HCN4: variants seen among roughly 807,000 people sequenced by gnomAD.
HCN4 encodes the protein potassium/sodium hyperpolarization-activated cyclic nucleotide-gated channel 4.
Under a neutral mutation model 76.9 loss-of-function variants are expected in HCN4, and 29 were observed. The ratio of observed to expected loss-of-function variants is 0.38; its 90% confidence interval spans 0.28 to 0.51. The LOEUF is 0.51. Among genes scored for constraint, HCN4 ranks in the 20% least tolerant of loss-of-function variants. HCN4 has a pLI of 0.90. For synonymous variants in HCN4, 772 were observed against 762.5 expected (o/e 1.01, Z -0.21); for missense variants, 1,416 against 1,715.2 (o/e 0.83, Z 3.08).
chr15:73,337,845 T>G lies in HCN4; in HGVS notation c.1209+5540A>C, dbSNP rs190498443. On this transcript the variant is annotated intron_variant, in intron 2 of 7. Transcript: ENST00000261917. ...CCCTGTGGGAAGAACCAAGGTGCCT[T>G]CTCCTGCAGGGGACACAGACTTCCG... Among the ~76,000 whole-genome samples, 8 of 152,180 alleles carry G rather than the reference T, an allele frequency of 5.3e-5. No individual in the cohort carries two copies. In the East Asian group the frequency reaches 7.7e-4, roughly 15 times the overall value.
intron 1 of HCN4, among the ~76,000 whole-genome samples, chr15:73,353,429 T>TGGG (rs2043063822): frequency 6.6e-6 from 1 of 152,068 alleles, no homozygotes; most frequent in Non-Finnish European, 1.5e-5. Flanking sequence ...ATGATGAAGG[T>TGGG]GGAGAGAGGG....
At chr15:73,329,821 G>A (rs1333839240) in intron 3 of HCN4, 30 bp from the exon 4 acceptor site, 2 of 1,572,184 alleles carry the variant, frequency 1.3e-6, no homozygotes, top group Admixed American at 3.3e-5. Flanking sequence ...TGGGGACAGT[G>A]GATGAGAGGG....
chr15:73,357,993 C>T (rs917562225), intron 1 of HCN4, among the ~76,000 whole-genome samples: 2 of 152,182 alleles, frequency 1.3e-5, no homozygotes, highest in African/African-American at 4.8e-5. Context: ...ATTCAGGGCT[C>T]AATACCTATT....
At chr15:73,349,578 T>C (rs2043044258) in intron 1 of HCN4, among the ~76,000 whole-genome samples, 1 of 152,134 alleles carries the variant, frequency 6.6e-6, no homozygotes, top group Admixed American at 6.5e-5. Flanking sequence ...CTTGTCTCCC[T>C]CCCAGCTCTC....
chr15:73,323,846 G>T lies in HCN4; in HGVS notation c.2247C>A (p.Asp749Glu). 6.2e-7 allele frequency: 1 copy of T among 1,605,254 alleles called. No individual in the cohort carries two copies. Among genetic ancestry groups the T allele is most frequent in the Non-Finnish European group, 8.5e-7 (1 of 1,179,936 alleles). The change falls in exon 8 of 8, where the codon GAC (aspartate) becomes GAA (glutamate). Residue 749 changes from aspartate to glutamate, a missense_variant. Coordinates refer to ENST00000261917, the MANE Select transcript of HCN4 (RefSeq NM_005477.3). ...NEIIQQIVQH[D>E]REMAHCAHRV... ...GGTGCGCGCAGTGGGCCATCTCCCG[G>T]TCATGCTGCACAATCTGCTGGATGA...
chr15:73,367,615 C>G lies in HCN4; in HGVS notation c.656G>C (p.Gly219Ala), dbSNP rs1445698608. The G allele has an allele frequency of 6.2e-7, 1 of 1,613,260 alleles. No individual in the cohort carries two copies. The highest frequency in any genetic ancestry group is 1.1e-5 in the South Asian group (1 of 91,090). ...GQAGFMQRQF[G>A]AMLQPGVNKF... is the part of the protein sequence containing the mutation. ...GTTGACCCCGGGTTGGAGCATGGCC[C>G]CGAACTGGCGCTGCATGAAGCCGGC... The change falls in exon 1 of 8, where the codon GGG (glycine) becomes GCG (alanine). Residue 219 changes from glycine (G) to alanine (A), a missense_variant. This residue lies in a region of HCN4 where 355 missense variants were observed against 347.8 expected (regional missense o/e 1.02). Coordinates refer to ENST00000261917, the MANE Select transcript of HCN4 (RefSeq NM_005477.3). The surrounding 1 kb of genome is among the most constrained non-coding windows in gnomAD (Gnocchi z 7.5).
intron 1 of HCN4, among the ~76,000 whole-genome samples, chr15:73,359,546 T>G (rs1165765520): frequency 6.6e-6 from 1 of 152,104 alleles, no homozygotes; most frequent in East Asian, 1.9e-4. Context: ...GTCCTGAGCC[T>G]TGGTACCTCA....
chr15:73,333,051 G>A (rs527480778), intron 2 of HCN4, among the ~76,000 whole-genome samples: 9 of 152,246 alleles, frequency 5.9e-5, no homozygotes, highest in South Asian at 2.1e-4. Flanking sequence ...TGGTTAATAC[G>A]TATTTGGGGT....
In HCN4 at chr15:73,323,222, G is replaced by T; in HGVS notation, c.2871C>A (p.His957Gln). The T allele has an allele frequency of 6.5e-7, 1 of 1,529,826 alleles. No homozygotes were observed. Among genetic ancestry groups the T allele is most frequent in the Non-Finnish European group, 8.8e-7 (1 of 1,140,512 alleles). The allele number at this position is 1,529,826 out of a possible 1,614,324, so 94.8% of individuals were successfully genotyped here. A position where few individuals can be genotyped will look rare whatever the true frequency, so the allele number is the denominator to read the frequency against. ...TGGATGAGGGTGGGGGTGGCAGGAA[G>T]TGCTCCGGGAGTCCCAGGCCTCCCC... ...GARGGLGLPE[H>Q]FLPPPPSSRS... The change falls in exon 8 of 8, where the codon CAC (histidine) becomes CAA (glutamine). Residue 957 changes from histidine (H) to glutamine (Q), a missense_variant. This residue lies in a region of HCN4 where 633 missense variants were observed against 579.8 expected (regional missense o/e 1.09). Transcript: ENST00000261917.
chr15:73,332,151 C>T lies in HCN4; in HGVS notation c.1351G>A (p.Val451Met). The change falls in exon 3 of 8, where the codon GTG becomes ATG. Residue 451 changes from valine to methionine, a missense_variant. Physicochemically the swap from Val to Met is conservative, Grantham distance 21. Around this residue, in one of 6 missense-constraint regions of HCN4, gnomAD observed 112 missense variants for 259.9 expected, o/e 0.43. Transcript: ENST00000261917. ...MLQDFPDDCWVSINNMVNNSW... is the reference protein window; with the variant it reads ...MLQDFPDDCWMSINNMVNNSW... ...CTCACCACCATGTTGTTGATGGACA[C>T]CCAGCAGTCGTCAGGGAAGTCCTGT... 1 of 1,614,108 alleles carries T rather than the reference C, an allele frequency of 6.2e-7. No individual in the cohort carries two copies. The highest frequency in any genetic ancestry group is 8.5e-7 in the Non-Finnish European group (1 of 1,180,042).
At chr15:73,366,023 T>C (rs952286725) in intron 1 of HCN4, among the ~76,000 whole-genome samples, 1 of 152,182 alleles carries the variant, frequency 6.6e-6, no homozygotes, top group Non-Finnish European at 1.5e-5. Flanking sequence ...AACCTGGCAC[T>C]GGGAACCCAG....
intron 2 of HCN4, among the ~76,000 whole-genome samples, chr15:73,332,583 C>T (rs2042939646): frequency 6.6e-6 from 1 of 152,166 alleles, no homozygotes; most frequent in African/African-American, 2.4e-5. Context: ...ACACCTGGAG[C>T]CCCATGCAGC....
In HCN4 at chr15:73,368,253, C is replaced by A. The variant is rs771607645; in HGVS notation, c.18G>T (p.Pro6=). The change falls in exon 1 of 8, where the codon CCG becomes CCT. Residue 6 remains proline, a synonymous_variant. Transcript: ENST00000261917. The surrounding 1 kb of genome is among the most constrained non-coding windows in gnomAD (Gnocchi z 6.9). MDKLP[P]SMRKRLYSLP... is the part of the protein sequence containing the mutation. ...GGCTGTAGAGCCGCTTGCGCATGGA[C>A]GGCGGCAGCTTGTCCATGGCGCCAG... 26 of 1,498,120 alleles carry A rather than the reference C, an allele frequency of 1.7e-5. No individual in the cohort carries two copies. The South Asian group carries it at 2.6e-4, about 15-fold the overall frequency. The allele number at this position is 1,498,120 out of a possible 1,614,324, so 92.8% of individuals were successfully genotyped here. A position where few individuals can be genotyped will look rare whatever the true frequency, so the allele number is the denominator to read the frequency against.
At chr15:73,336,159 G>C (rs528690373) in intron 2 of HCN4, among the ~76,000 whole-genome samples, 75 of 152,270 alleles carry the variant, frequency 4.9e-4, no homozygotes, top group African/African-American at 1.8e-3. Flanking sequence ...GCTGCTGTGG[G>C]GCTGGACAGC....
intron 2 of HCN4, among the ~76,000 whole-genome samples, chr15:73,340,423 C>A (rs1291996964): frequency 6.6e-6 from 1 of 152,194 alleles, no homozygotes; most frequent in Non-Finnish European, 1.5e-5. Flanking sequence ...CCAAGACATG[C>A]AGAAGGTTGG....
chr15:73,357,426 T>A (rs1209609762), intron 1 of HCN4, among the ~76,000 whole-genome samples: 3 of 152,058 alleles, frequency 2.0e-5, no homozygotes, highest in Non-Finnish European at 4.4e-5. Flanking sequence ...CGCTGGCCTG[T>A]CCCACAGGGC....
At chr15:73,354,002 C>T (rs1292703476) in intron 1 of HCN4, among the ~76,000 whole-genome samples, 1 of 152,108 alleles carries the variant, frequency 6.6e-6, no homozygotes, top group South Asian at 2.1e-4. Flanking sequence ...TTTTAACCCA[C>T]CTCAAAAACT....
Position 73,325,425 on chromosome 15 carries a change from T to C in HCN4, c.1610A>G (p.Tyr537Cys). 1 of 1,614,112 alleles carries C rather than the reference T, an allele frequency of 6.2e-7. No individual in the cohort carries two copies. The change falls in exon 5 of 8, where the codon TAC becomes TGC. Residue 537 changes from tyrosine to cysteine, a missense_variant. By Grantham distance (194) the Tyr-to-Cys change is radical (BLOSUM62 -2). Coordinates refer to ENST00000261917, the MANE Select transcript of HCN4 (RefSeq NM_005477.3). This position sits in a 1 kb window ranked among gnomAD's most constrained non-coding sequence, Gnocchi z 7.4. ...YQEKYKQVEQYMSFHKLPPDT... is the reference protein window; with the variant it reads ...YQEKYKQVEQCMSFHKLPPDT... Reference sequence around the variant, plus strand: ...GGGCGGGAGCTTGTGAAAGGACATGTACTGCTCCACCTGCTTGTACTGAGG... The same window carrying C: ...GGGCGGGAGCTTGTGAAAGGACATGCACTGCTCCACCTGCTTGTACTGAGG...
intron 1 of HCN4, among the ~76,000 whole-genome samples, chr15:73,349,925 C>T (rs970645989): frequency 2.0e-4 from 30 of 152,310 alleles, no homozygotes; most frequent in Admixed American, 1.1e-3. Context: ...TCCTGGGTGA[C>T]TTCTACTCCA....
Sources: gnomAD v4.1 joint callset for allele counts (sites outside exome capture counted in the v4.1 genomes callset) on GRCh38, gnomAD v4.1.1 for gene constraint, gnomAD v4.1.1 regional missense constraint, Gnocchi (gnomAD v3.1) non-coding constraint, MANE v1.5 for transcripts, NCBI Gene and HGNC (gene_info 2026-07-23, HGNC 2026-07-21) for gene names.